PDE4D: variants seen among roughly 807,000 people sequenced by gnomAD.
PDE4D encodes the protein 3',5'-cyclic-AMP phosphodiesterase 4D.
PDE4D carries 24 observed loss-of-function variants against 87.4 expected under a neutral mutation model. The observed-to-expected ratio is 0.27, with a 90% CI of 0.20 to 0.39. PDE4D has a LOEUF of 0.39. PDE4D is among the 10% of genes least tolerant of loss of function. The pLI is 1.00. For synonymous variants in PDE4D, 384 were observed against 383.2 expected (o/e 1.00, Z -0.02); for missense variants, 714 against 1,041.0 (o/e 0.69, Z 4.32).
At chr5:59,177,346 A>G (rs1012401083) in intron 5 of PDE4D, among the ~76,000 whole-genome samples, 1 of 152,212 alleles carries the variant, frequency 6.6e-6, no homozygotes, top group African/African-American at 2.4e-5. Context: ...GTACTTTGTT[A>G]TGGCAGCCTG....
At chr5:59,777,692 G>GCCCTAAA (rs2152620659) in intron 1 of PDE4D, among the ~76,000 whole-genome samples, 1 of 152,258 alleles carries the variant, frequency 6.6e-6, no homozygotes, top group African/African-American at 2.4e-5. Context: ...AATTAACTTG[G>GCCCTAAA]ACACAGGTGA....
At chr5:59,870,294 A>G (rs775842800) in intron 1 of PDE4D, among the ~76,000 whole-genome samples, 7 of 152,218 alleles carry the variant, frequency 4.6e-5, no homozygotes, top group Non-Finnish European at 1.0e-4. Flanking sequence ...TTCCAACAAT[A>G]TATTTTGCTC....
At chr5:59,391,125 G>A (rs1392648000) in intron 1 of PDE4D, among the ~76,000 whole-genome samples, 1 of 152,122 alleles carries the variant, frequency 6.6e-6, no homozygotes, top group Non-Finnish European at 1.5e-5. Context: ...AGTAAGCATA[G>A]GAGGAGACTA....
At chr5:59,002,857 A>ATCTT (rs1750822355) in intron 6 of PDE4D, among the ~76,000 whole-genome samples, 1 of 152,218 alleles carries the variant, frequency 6.6e-6, no homozygotes, top group African/African-American at 2.4e-5. Context: ...AAATAACCAG[A>ATCTT]ACAGATACAT....
chr5:59,512,928 A>G (rs1345280580), intron 1 of PDE4D, among the ~76,000 whole-genome samples: 2 of 152,176 alleles, frequency 1.3e-5, no homozygotes, highest in African/African-American at 4.8e-5. Flanking sequence ...ATGTCAAGGT[A>G]TAAGATTCCA....
upstream of PDE4D, among the ~76,000 whole-genome samples, chr5:59,896,030 C>A (rs1286821140): frequency 6.6e-6 from 1 of 152,070 alleles, no homozygotes; most frequent in East Asian, 1.9e-4. Flanking sequence ...TTTAATTTAA[C>A]TTATAATTCC....
chr5:60,118,125 G>C (rs1252938444), intron 2 of PDE4D, among the ~76,000 whole-genome samples: 1 of 152,098 alleles, frequency 6.6e-6, no homozygotes, highest in African/African-American at 2.4e-5. Context: ...CAGCTCTGTT[G>C]ACTGTCTTTT....
intron 5 of PDE4D, chr5:59,166,225 A>G (rs1781904723): frequency 6.6e-6 from 1 of 152,122 alleles, no homozygotes; most frequent in South Asian, 2.1e-4. Flanking sequence ...TGCAGACAAC[A>G]CTGTTTAGTG....
intron 1 of PDE4D, among the ~76,000 whole-genome samples, chr5:59,819,398 A>G (rs940333207): frequency 6.6e-6 from 1 of 152,166 alleles, no homozygotes; most frequent in Non-Finnish European, 1.5e-5. Flanking sequence ...CTTTCCATAG[A>G]CTTTCACTTT....
chr5:59,308,496 A>G (rs1259020196), intron 1 of PDE4D, among the ~76,000 whole-genome samples: 1 of 151,928 alleles, frequency 6.6e-6, no homozygotes, highest in East Asian at 1.9e-4. Context: ...ATGATGCTTA[A>G]TTTCACTGGG....
At chr5:60,067,295 G>T (rs899744284) in intron 2 of PDE4D, among the ~76,000 whole-genome samples, 6 of 152,052 alleles carry the variant, frequency 3.9e-5, no homozygotes, top group African/African-American at 1.4e-4. Flanking sequence ...AGATTGGACT[G>T]GCCCAGACAC....
intron 1 of PDE4D, among the ~76,000 whole-genome samples, chr5:60,465,688 G>T (rs571414112): frequency 2.0e-5 from 3 of 152,220 alleles, no homozygotes; most frequent in Admixed American, 6.5e-5. Context: ...TAAACCCATT[G>T]TAAGTTGAAA....
At chr5:59,957,525 A>G (rs1417493218) in intron 3 of PDE4D, among the ~76,000 whole-genome samples, 1 of 152,108 alleles carries the variant, frequency 6.6e-6, no homozygotes, top group East Asian at 1.9e-4. Context: ...CTTCCCTTCT[A>G]ATATGAGTAC....
chr5:59,597,003 T>C (rs924764934), intron 1 of PDE4D, among the ~76,000 whole-genome samples: 1 of 152,138 alleles, frequency 6.6e-6, no homozygotes, highest in African/African-American at 2.4e-5. Context: ...AATCGGTGAT[T>C]GTATGGCCCC....
chr5:60,063,095 GAAGA>G (rs34450673), intron 2 of PDE4D, among the ~76,000 whole-genome samples: 14,478 of 96,410 alleles, frequency 0.15, 1,292 homozygotes, highest in African/African-American at 0.21. Context: ...AAGAAAGAAA[GAAGA>G]AAGAAAGAAA....
At chr5:60,108,074 T>C (rs1336928538) in intron 2 of PDE4D, among the ~76,000 whole-genome samples, 1 of 152,080 alleles carries the variant, frequency 6.6e-6, no homozygotes, top group African/African-American at 2.4e-5. Flanking sequence ...AAATTGTCCC[T>C]GTTTGCAGAC....
intron 1 of PDE4D, among the ~76,000 whole-genome samples, chr5:59,489,471 TG>T (rs1168859246): frequency 6.6e-6 from 1 of 152,198 alleles, no homozygotes; most frequent in Non-Finnish European, 1.5e-5. Context: ...GGAATTACTT[TG>T]TCTTTTAGAC....
chr5:59,457,404 T>C (rs1455950124), intron 1 of PDE4D, among the ~76,000 whole-genome samples: 2 of 152,238 alleles, frequency 1.3e-5, no homozygotes, highest in East Asian at 3.8e-4. Context: ...GAATACTTAA[T>C]AGACTATAGT....
intron 5 of PDE4D, among the ~76,000 whole-genome samples, chr5:59,082,445 G>T (rs1324684083): frequency 2.0e-5 from 3 of 151,912 alleles, no homozygotes; most frequent in African/African-American, 7.3e-5. Flanking sequence ...TCAAAATTCA[G>T]GAGAATCAAC....
Sources: allele counts gnomAD v4.1 joint callset (sites outside exome capture counted in the v4.1 genomes callset), GRCh38; gene constraint gnomAD v4.1.1; transcripts MANE v1.5; gene names NCBI Gene and HGNC (gene_info 2026-07-23, HGNC 2026-07-21).